FHIT: variants seen among roughly 807,000 people sequenced by gnomAD.
FHIT encodes fragile histidine triad diadenosine triphosphatase, also known as bis(5'-adenosyl)-triphosphatase.
Under a neutral mutation model 17.9 loss-of-function variants are expected in FHIT, and 19 were observed. That is an observed-to-expected ratio of 1.06 (90% confidence interval 0.74 to 1.56). FHIT has a LOEUF of 1.56. FHIT is among the 40% of genes most tolerant of loss of function. FHIT has a pLI of 0.00. For missense variants in FHIT, 248 were observed against 189.2 expected (o/e 1.31, Z -1.82); for synonymous variants, 81 against 69.7 (o/e 1.16, Z -0.81).
At chr3:59,787,978 A>G (rs556397349) in intron 8 of FHIT, among the ~76,000 whole-genome samples, 3 of 152,204 alleles carry the variant, frequency 2.0e-5, no homozygotes, top group South Asian at 2.1e-4. Context: ...AGGAAGTGAC[A>G]TAGTGTTCTA....
intron 1 of FHIT, among the ~76,000 whole-genome samples, chr3:61,204,278 G>C (rs2039132630): frequency 6.6e-6 from 1 of 152,138 alleles, no homozygotes; most frequent in Non-Finnish European, 1.5e-5. Context: ...AGAGGAATGG[G>C]GGGGCTTCTG....
chr3:61,177,606 G>C (rs1273315812), intron 2 of FHIT, among the ~76,000 whole-genome samples: 1 of 152,152 alleles, frequency 6.6e-6, no homozygotes, highest in Admixed American at 6.5e-5. Context: ...ACTTTCAGAT[G>C]AATGGGACAT....
At position 59,748,877 on chromosome 3, in the gene FHIT, A is replaced by AAGTGTGTTGGCTAGTGTTATC. The variant is rs1368425467; in HGVS notation, c.*687_*707dup. 6.6e-6 allele frequency among the ~76,000 whole-genome samples: 1 copy of AAGTGTGTTGGCTAGTGTTATC among 152,188 alleles called. No homozygotes were observed. The highest frequency in any genetic ancestry group is 1.5e-5 in the Non-Finnish European group (1 of 68,020). Reference sequence around the variant, plus strand: ...GGTCTACATCTTATAAATTCTTAGCAAGTGTGTTGGCTAGTGTTATCAATT... The same window carrying AAGTGTGTTGGCTAGTGTTATC: ...GGTCTACATCTTATAAATTCTTAGCAAGTGTGTTGGCTAGTGTTATCAGTGTGTTGGCTAGTGTTATCAATT... On this transcript the variant is annotated 3_prime_UTR_variant, in exon 10 of 10. Transcript: ENST00000492590.
intron 3 of FHIT, among the ~76,000 whole-genome samples, chr3:61,014,899 C>T (rs932003197): frequency 7.1e-6 from 1 of 140,806 alleles, no homozygotes; most frequent in Non-Finnish European, 1.5e-5. Flanking sequence ...TACATACATC[C>T]ATATACATAT....
intron 4 of FHIT, among the ~76,000 whole-genome samples, chr3:60,611,125 A>G (rs2038772659): frequency 6.6e-6 from 1 of 152,114 alleles, no homozygotes; most frequent in Non-Finnish European, 1.5e-5. Context: ...GGCTCATCTC[A>G]TAGTTGTCTT....
intron 5 of FHIT, among the ~76,000 whole-genome samples, chr3:60,368,606 C>T (rs1285180550): frequency 2.0e-5 from 3 of 152,022 alleles, no homozygotes; most frequent in African/African-American, 7.2e-5. Flanking sequence ...GTATTTTCCT[C>T]CAGTCTGTAG....
chr3:60,817,873 A>T (rs1701794206), intron 4 of FHIT, among the ~76,000 whole-genome samples: 1 of 152,014 alleles, frequency 6.6e-6, no homozygotes, highest in Non-Finnish European at 1.5e-5. Context: ...CTCCAATTAC[A>T]TGTAAGCTAG....
intron 4 of FHIT, among the ~76,000 whole-genome samples, chr3:60,795,513 T>TG (rs1553729988): frequency 6.6e-6 from 1 of 151,740 alleles, no homozygotes; most frequent in African/African-American, 2.4e-5. Context: ...TTTTTGTTTT[T>TG]TTTTTTTTAA....
At chr3:60,372,008 T>C (rs535122550) in intron 5 of FHIT, among the ~76,000 whole-genome samples, 1 of 152,268 alleles carries the variant, frequency 6.6e-6, no homozygotes, top group African/African-American at 2.4e-5. Flanking sequence ...TTTCATACCA[T>C]AAAGCCTGAG....
At chr3:60,182,407 C>A (rs1701976538) in intron 5 of FHIT, among the ~76,000 whole-genome samples, 1 of 152,160 alleles carries the variant, frequency 6.6e-6, no homozygotes, top group South Asian at 2.1e-4. Flanking sequence ...AACATGGCAG[C>A]AGACGCTCTC....
At chr3:60,285,750 A>G (rs990189330) in intron 5 of FHIT, among the ~76,000 whole-genome samples, 3 of 152,038 alleles carry the variant, frequency 2.0e-5, no homozygotes, top group African/African-American at 7.3e-5. Flanking sequence ...GTCAGCTAGA[A>G]CTCTATTTTT....
intron 5 of FHIT, among the ~76,000 whole-genome samples, chr3:60,234,411 A>G (rs913127843): frequency 6.6e-6 from 1 of 152,240 alleles, no homozygotes; most frequent in African/African-American, 2.4e-5. Flanking sequence ...AATTGCATTC[A>G]ATATATCCAT....
intron 5 of FHIT, among the ~76,000 whole-genome samples, chr3:60,214,599 G>A (rs1703610781): frequency 6.6e-6 from 1 of 152,136 alleles, no homozygotes; most frequent in South Asian, 2.1e-4. Flanking sequence ...GTGGAAAGCA[G>A]TGTGGAAATT....
Position 60,047,122 on chromosome 3 carries a change from C to T in FHIT, c.104-32970G>A, listed in dbSNP as rs556780056. Among the ~76,000 whole-genome samples, 45 of 152,328 alleles carry T rather than the reference C, an allele frequency of 3.0e-4. 1 individual carries two copies. The highest frequency in any genetic ancestry group is 9.6e-4 in the African/African-American group (40 of 41,572). On this transcript the variant is annotated intron_variant, in intron 5 of 9. Coordinates refer to ENST00000492590, the MANE Select transcript of FHIT (RefSeq NM_002012.4). ...TGTTAAATTTTATAATGCAAGCATA[C>T]TGCCGTAATGTTCCACAAAACGTAA...
chr3:60,373,641 G>A (rs1018498787), intron 5 of FHIT, among the ~76,000 whole-genome samples: 1 of 152,138 alleles, frequency 6.6e-6, no homozygotes, highest in African/African-American at 2.4e-5. Flanking sequence ...GGTGGTAGTA[G>A]GGAGACCAGC....
intron 8 of FHIT, among the ~76,000 whole-genome samples, chr3:59,903,438 A>G (rs1704428386): frequency 6.6e-6 from 1 of 152,196 alleles, no homozygotes; most frequent in Non-Finnish European, 1.5e-5. Context: ...TGGTATTTTA[A>G]TTGTATCTAA....
At chr3:59,809,653 T>C (rs1403788773) in intron 8 of FHIT, among the ~76,000 whole-genome samples, 1 of 152,212 alleles carries the variant, frequency 6.6e-6, no homozygotes, top group Non-Finnish European at 1.5e-5. Flanking sequence ...TAGAAACAAA[T>C]AGGGTCTGAT....
intron 5 of FHIT, among the ~76,000 whole-genome samples, chr3:60,124,266 C>T (rs1705437953): frequency 6.6e-6 from 1 of 151,570 alleles, no homozygotes; most frequent in Admixed American, 6.6e-5. Flanking sequence ...AGACACCAGA[C>T]CAGTTTGAAG....
intron 2 of FHIT, among the ~76,000 whole-genome samples, chr3:61,120,749 C>T (rs1460575994): frequency 6.6e-6 from 1 of 151,920 alleles, no homozygotes; most frequent in Non-Finnish European, 1.5e-5. Flanking sequence ...ATGAGTTTGA[C>T]GAATTGACAG....
Sources: allele counts gnomAD v4.1 joint callset (sites outside exome capture counted in the v4.1 genomes callset), GRCh38; gene constraint gnomAD v4.1.1; transcripts MANE v1.5; gene names NCBI Gene and HGNC (gene_info 2026-07-23, HGNC 2026-07-21).